The following DCAF1 variants were observed in gnomAD, a reference collection of about 807,000 sequenced individuals.
DCAF1 encodes the protein DDB1 and CUL4 associated factor 1.
A neutral mutation model predicts 128.0 loss-of-function variants in DCAF1; 15 were observed. The observed-to-expected ratio is 0.12, with a 90% CI of 0.08 to 0.18. The LOEUF is 0.18. Among genes scored for constraint, DCAF1 ranks in the 10% least tolerant of loss-of-function variants. The pLI is 1.00. For missense variants in DCAF1, 988 were observed against 1,649.5 expected (o/e 0.60, Z 6.95); for synonymous variants, 610 against 603.0 (o/e 1.01, Z -0.17).
intron 17 of DCAF1, 26 bp downstream of exon 17, chr3:51,418,090 A>T: frequency 1.2e-6 from 2 of 1,600,704 alleles, no homozygotes; most frequent in South Asian, 2.3e-5. Flanking sequence ...TAAAGCACAG[A>T]CTAGGTTCCA....
At chr3:51,461,572 A>G (rs1204208297) in intron 6 of DCAF1, among the ~76,000 whole-genome samples, 1 of 152,180 alleles carries the variant, frequency 6.6e-6, no homozygotes, top group Non-Finnish European at 1.5e-5. Flanking sequence ...GTATATACCC[A>G]AAGGATTATA....
intron 6 of DCAF1, among the ~76,000 whole-genome samples, chr3:51,454,364 T>C (rs990565100): frequency 1.4e-4 from 22 of 152,224 alleles, no homozygotes; most frequent in South Asian, 8.3e-4. Context: ...TTTTCTCTTT[T>C]ATTTATTTAT....
intron 23 of DCAF1, among the ~76,000 whole-genome samples, chr3:51,404,564 G>A (rs1021018188): frequency 7.9e-5 from 12 of 152,148 alleles, no homozygotes; most frequent in African/African-American, 1.2e-4. Flanking sequence ...GGGTAGCTCC[G>A]CTTTGTGGAC....
At chr3:51,400,949 G>A (rs927696239) in intron 24 of DCAF1, among the ~76,000 whole-genome samples, 6 of 151,988 alleles carry the variant, frequency 3.9e-5, no homozygotes, top group African/African-American at 7.2e-5. Flanking sequence ...TGGCTAACAC[G>A]GTGAAACCCT....
At chr3:51,470,248 A>T (rs1243891150) in intron 4 of DCAF1, among the ~76,000 whole-genome samples, 2 of 151,968 alleles carry the variant, frequency 1.3e-5, no homozygotes, top group Non-Finnish European at 2.9e-5. Flanking sequence ...ACAGAGAAGA[A>T]CACCTTTTGT....
chr3:51,464,624 G>A (rs140321534), intron 5 of DCAF1, among the ~76,000 whole-genome samples: 9 of 151,876 alleles, frequency 5.9e-5, no homozygotes, highest in South Asian at 2.1e-4. Context: ...AAACATGGGA[G>A]GTCAAGGCTG....
chr3:51,426,009 C>A (rs555659179), intron 13 of DCAF1, among the ~76,000 whole-genome samples: 3 of 152,140 alleles, frequency 2.0e-5, no homozygotes, highest in Non-Finnish European at 4.4e-5. Flanking sequence ...AAGCTATTTT[C>A]GTAATAATAA....
At position 51,403,387 on chromosome 3, in the gene DCAF1, T is replaced by C. The variant is rs782224371; in HGVS notation, c.4221A>G (p.Glu1407=). ...CATCATCATCTTCTTCCTCCTGTTC[T>C]TCCTCTTCCTGGTAAGAAAGCGTAA... ...DEDEEEDQEE[E]EQEEEDDDED... is the part of the protein sequence containing the mutation. Residue 1407 remains glutamate, a synonymous_variant, in exon 24 of 25, where the codon GAA becomes GAG. Transcript: ENST00000684031. 2.6e-6 allele frequency: 4 copies of C among 1,552,170 alleles called. No homozygotes were observed. The highest frequency in any genetic ancestry group is 2.7e-5 in the African/African-American group (2 of 73,184).
At chr3:51,435,763 G>A (rs145207896) in intron 9 of DCAF1, among the ~76,000 whole-genome samples, 11 of 151,136 alleles carry the variant, frequency 7.3e-5, no homozygotes, top group African/African-American at 1.2e-4. Flanking sequence ...TTAACAAACC[G>A]TAAGTGACAA....
intron 24 of DCAF1, among the ~76,000 whole-genome samples, chr3:51,402,728 C>A (rs1553625312): frequency 6.6e-6 from 1 of 152,086 alleles, no homozygotes. Context: ...GCATGTGCCA[C>A]CACGCCCAGC....
intron 24 of DCAF1, among the ~76,000 whole-genome samples, chr3:51,399,453 C>A (rs2089480825): frequency 1.3e-5 from 2 of 152,288 alleles, no homozygotes; most frequent in African/African-American, 2.4e-5. Context: ...GAAGTAGCTA[C>A]CCATCCAGAG....
chr3:51,413,512 T>C, intron 20 of DCAF1, 126 bp from the exon 21 acceptor site: 1 of 1,422,506 alleles, frequency 7.0e-7, no homozygotes, highest in Non-Finnish European at 9.3e-7. Context: ...CAAATTCCCT[T>C]GTACAGAAAT....
intron 2 of DCAF1, among the ~76,000 whole-genome samples, chr3:51,491,903 ATC>A (rs1707692914): frequency 1.3e-5 from 2 of 152,248 alleles, no homozygotes; most frequent in African/African-American, 4.8e-5. Context: ...CACGCCTGTT[ATC>A]CCAGCACTGT....
Position 51,420,573 on chromosome 3 carries a change from G to A in DCAF1, c.2397C>T (p.Arg799=), listed in dbSNP as rs782315662. ...ACTTGCAGAACTTGACATGGTCACT[G>A]CGCTTGTCCTGCAGCACAGGCTCCT... is the stretch of plus-strand genomic sequence containing the variant. ...LMKEPVLQDK[R]SDHVKFCKYA... Residue 799 remains arginine, a synonymous_variant, in exon 15 of 25, where the codon CGC becomes CGT. Coordinates refer to ENST00000684031, the MANE Select transcript of DCAF1 (RefSeq NM_001387579.1). This position sits in a 1 kb window ranked among gnomAD's most constrained non-coding sequence, Gnocchi z 6.5. The A allele has an allele frequency of 2.5e-6, 4 of 1,613,920 alleles. No homozygotes were observed. Among genetic ancestry groups the A allele is most frequent in the Non-Finnish European group, 3.4e-6 (4 of 1,179,888 alleles).
intron 18 of DCAF1, among the ~76,000 whole-genome samples, chr3:51,415,955 C>CA (rs1256773408): frequency 1.3e-5 from 2 of 152,134 alleles, no homozygotes; most frequent in East Asian, 3.9e-4. Context: ...TTCATGTGTC[C>CA]AAAATCCCAG....
chr3:51,466,905 AAAGGAATGAGT>A (rs1704181645), intron 4 of DCAF1, 29 bp from the exon 5 acceptor site: 1 of 1,608,976 alleles, frequency 6.2e-7, no homozygotes, highest in South Asian at 1.1e-5. Context: ...AGGAACAAAC[AAAGGAATGAGT>A]AAGTCATCCC....
chr3:51,462,052 T>TA (rs1703649896), intron 6 of DCAF1, among the ~76,000 whole-genome samples: 1 of 150,298 alleles, frequency 6.7e-6, no homozygotes, highest in African/African-American at 2.5e-5. Context: ...CCCTAAAACT[T>TA]AAAGTATAAT....
chr3:51,451,156 A>G (rs1391887487), intron 6 of DCAF1, among the ~76,000 whole-genome samples: 1 of 131,316 alleles, frequency 7.6e-6, no homozygotes, highest in Non-Finnish European at 1.5e-5. Context: ...TGACATAATC[A>G]TAACTCACTG....
Position 51,463,094 on chromosome 3 carries a change from C to CT in DCAF1, c.375+19dup. On this transcript the variant is annotated intron_variant, in intron 6 of 24. Transcript: ENST00000684031. ...ATTCAATTACAAAATAAAATTATGA[C>CT]TTTACTTTTCACTAAGTACCTTTTC... The CT allele has an allele frequency of 6.6e-7, 1 of 1,507,250 alleles. No individual in the cohort carries two copies. Among genetic ancestry groups the CT allele is most frequent in the Non-Finnish European group, 9.0e-7 (1 of 1,110,166 alleles). The allele number at this position is 1,507,250 out of a possible 1,614,324, so 93.4% of individuals were successfully genotyped here. A position where few individuals can be genotyped will look rare whatever the true frequency, so the allele number is the denominator to read the frequency against.
Sources: gnomAD v4.1 joint callset for allele counts (sites outside exome capture counted in the v4.1 genomes callset) on GRCh38, gnomAD v4.1.1 for gene constraint, Gnocchi (gnomAD v3.1) non-coding constraint, MANE v1.5 for transcripts, NCBI Gene and HGNC (gene_info 2026-07-23, HGNC 2026-07-21) for gene names.